HSD11B1: variants seen among roughly 807,000 people sequenced by gnomAD.
HSD11B1 encodes the protein 11-beta-hydroxysteroid dehydrogenase 1.
Under a neutral mutation model 22.1 loss-of-function variants are expected in HSD11B1, and 15 were observed. That is an observed-to-expected ratio of 0.68 (90% CI 0.45 to 1.04). The LOEUF is 1.04. Ranked by LOEUF, HSD11B1 falls within the 50% of genes least tolerant of loss-of-function variation. HSD11B1 has a pLI of 0.00. For missense variants in HSD11B1, 281 were observed against 357.6 expected (o/e 0.79, Z 1.73); for synonymous variants, 122 against 125.2 (o/e 0.97, Z 0.17).
chr1:209,734,248 C>G, intron 5 of HSD11B1, 56 bp from the exon 6 acceptor site: 1 of 1,404,926 alleles, frequency 7.1e-7, no homozygotes, highest in Non-Finnish European at 9.9e-7. Context: ...TCCAGGCCTT[C>G]CATCATGTAG....
chr1:209,722,777 C>T (rs1028237423), intron 4 of HSD11B1, among the ~76,000 whole-genome samples: 1 of 152,138 alleles, frequency 6.6e-6, no homozygotes, highest in Non-Finnish European at 1.5e-5. Flanking sequence ...CCTGGGGTTG[C>T]TCTAAAAGTG....
At chr1:209,692,848 T>C (rs1203689476) in intron 1 of HSD11B1, among the ~76,000 whole-genome samples, 1 of 152,166 alleles carries the variant, frequency 6.6e-6, no homozygotes, top group Admixed American at 6.5e-5. Context: ...TTCCCCCAGA[T>C]GATTCATGGA....
chr1:209,718,127 T>G (rs1240521403), intron 4 of HSD11B1, among the ~76,000 whole-genome samples: 4 of 152,122 alleles, frequency 2.6e-5, no homozygotes, highest in African/African-American at 7.2e-5. Context: ...GAAGAGGGGT[T>G]GGCTACTGAT....
intron 4 of HSD11B1, among the ~76,000 whole-genome samples, chr1:209,721,631 C>T (rs1003511530): frequency 5.3e-5 from 8 of 152,098 alleles, no homozygotes; most frequent in African/African-American, 1.9e-4. Context: ...TGAGCAATGC[C>T]TTCTCTAGCT....
At chr1:209,734,007 C>A (rs141577509) in intron 5 of HSD11B1, among the ~76,000 whole-genome samples, 1 of 152,162 alleles carries the variant, frequency 6.6e-6, no homozygotes, top group Non-Finnish European at 1.5e-5. Flanking sequence ...TACTTCTCCG[C>A]CTCCAACCAA....
intron 4 of HSD11B1, among the ~76,000 whole-genome samples, chr1:209,717,184 G>A (rs2076935480): frequency 6.6e-6 from 1 of 151,922 alleles, no homozygotes; most frequent in African/African-American, 2.4e-5. Context: ...GAATATACAA[G>A]GTACTCAAAT....
chr1:209,692,572 C>T (rs561697451), intron 1 of HSD11B1, among the ~76,000 whole-genome samples: 1 of 118,042 alleles, frequency 8.5e-6, no homozygotes, highest in Non-Finnish European at 1.6e-5. Flanking sequence ...AATGAAAAAA[C>T]CAATTAGAGA....
At chr1:209,695,526 C>T (rs2076785580) in intron 1 of HSD11B1, among the ~76,000 whole-genome samples, 1 of 152,144 alleles carries the variant, frequency 6.6e-6, no homozygotes, top group Non-Finnish European at 1.5e-5. Flanking sequence ...AAAAGTTAAA[C>T]ATGGCTGGGT....
upstream of HSD11B1, among the ~76,000 whole-genome samples, chr1:209,703,800 G>C (rs1032277944): frequency 6.6e-6 from 1 of 152,134 alleles, no homozygotes; most frequent in Non-Finnish European, 1.5e-5. Context: ...ACAGAATGCA[G>C]GACTGCATTG....
At chr1:209,718,787 A>T (rs1467820406) in intron 4 of HSD11B1, among the ~76,000 whole-genome samples, 1 of 152,058 alleles carries the variant, frequency 6.6e-6, no homozygotes, top group African/African-American at 2.4e-5. Context: ...TGTAATCCCA[A>T]GGTGGGCAGA....
At position 209,706,668 on chromosome 1, in the gene HSD11B1, C is replaced by A. The variant is rs1200831054; in HGVS notation, c.220-41C>A. On this transcript the variant is annotated intron_variant, in intron 2 of 5. Coordinates refer to ENST00000367027, the MANE Select transcript of HSD11B1 (RefSeq NM_005525.4). The surrounding 1 kb of genome is among the most constrained non-coding windows in gnomAD (Gnocchi z 4.0). ...ACTTCAGAGACTACCCCCCAAAAAT[C>A]TGCAGCTAAGACTGATGCCATTTCT... The A allele has an allele frequency of 1.4e-6, 2 of 1,411,852 alleles. No individual in the cohort carries two copies. Among genetic ancestry groups the A allele is most frequent in the Non-Finnish European group, 2.0e-6 (2 of 996,980 alleles). The allele number at this position is 1,411,852 out of a possible 1,614,324, so 87.5% of individuals were successfully genotyped here.
chr1:209,730,828 C>T (rs1268610121), intron 4 of HSD11B1, among the ~76,000 whole-genome samples: 1 of 152,086 alleles, frequency 6.6e-6, no homozygotes, highest in Non-Finnish European at 1.5e-5. Flanking sequence ...AGAGTGGCAC[C>T]CGAAAGACCA....
At position 209,706,615 on chromosome 1, in the gene HSD11B1, G is replaced by A. The variant is rs1254252284; in HGVS notation, c.220-94G>A. The A allele has an allele frequency of 3.6e-6, 3 of 830,480 alleles. No individual in the cohort carries two copies. The highest frequency in any genetic ancestry group is 6.4e-6 in the Non-Finnish European group (3 of 468,066). 51.4% of individuals were successfully genotyped at this position (830,480 alleles called of 1,614,324 possible). The stretch of plus-strand genomic sequence containing the variant: ...CCATTTCTTACCTAAACAGGGCTGT[G>A]AGCAATCTCTCATTTAAGCCCCCCG... On this transcript the variant is annotated intron_variant, in intron 2 of 5. Transcript: ENST00000367027. This position sits in a 1 kb window ranked among gnomAD's most constrained non-coding sequence, Gnocchi z 4.0.
At chr1:209,692,608 G>C (rs922883211) in intron 1 of HSD11B1, among the ~76,000 whole-genome samples, 1 of 11,008 alleles carries the variant, frequency 9.1e-5, no homozygotes, top group African/African-American at 4.1e-4. Flanking sequence ...TTAAAATGGC[G>C]GGGGGGGGGG....
chr1:209,699,704 T>C (rs897113842), intron 1 of HSD11B1, among the ~76,000 whole-genome samples: 2 of 152,108 alleles, frequency 1.3e-5, no homozygotes, highest in Non-Finnish European at 2.9e-5. Context: ...AACCCAAAAG[T>C]CCACAGTCTA....
Position 209,734,739 on chromosome 1 carries a change from T to C in HSD11B1, c.*218T>C, listed in dbSNP as rs2077056883. On this transcript the variant is annotated 3_prime_UTR_variant, in exon 6 of 6. Transcript: ENST00000367027. ...ACCGCTGCAGCCAGCAGTTGTAAAA[T>C]TGTTAGTAAACATAGGTATAATTAC... 2.1e-5 allele frequency: 10 copies of C among 477,124 alleles called. No homozygotes were observed. The South Asian group carries it at 2.5e-4, about 12-fold the overall frequency. The allele number at this position is 477,124 out of a possible 1,614,324, so 29.6% of individuals were successfully genotyped here. A position where few individuals can be genotyped will look rare whatever the true frequency, so the allele number is the denominator to read the frequency against.
intron 4 of HSD11B1, among the ~76,000 whole-genome samples, chr1:209,708,553 G>A (rs2076874991): frequency 1.3e-5 from 2 of 152,160 alleles, no homozygotes; most frequent in African/African-American, 4.8e-5. Flanking sequence ...TGGAAGAAAG[G>A]GAGAGCTTCC....
At chr1:209,724,610 G>A (rs542484225) in intron 4 of HSD11B1, among the ~76,000 whole-genome samples, 1 of 152,218 alleles carries the variant, frequency 6.6e-6, no homozygotes, top group South Asian at 2.1e-4. Flanking sequence ...CTTTGACCAG[G>A]CCTTTTGACT....
intron 4 of HSD11B1, among the ~76,000 whole-genome samples, chr1:209,730,911 C>T (rs1455177111): frequency 6.6e-6 from 1 of 152,126 alleles, no homozygotes; most frequent in Non-Finnish European, 1.5e-5. Context: ...TGGAGATTAA[C>T]CAAGAGCAGA....
Sources: allele counts gnomAD v4.1 joint callset (sites outside exome capture counted in the v4.1 genomes callset), GRCh38; gene constraint gnomAD v4.1.1; non-coding constraint Gnocchi (gnomAD v3.1); transcripts MANE v1.5; gene names NCBI Gene and HGNC (gene_info 2026-07-23, HGNC 2026-07-21).